The following LRRTM4 variants were observed in gnomAD, a reference collection of about 807,000 sequenced individuals.
The protein encoded by LRRTM4 is leucine-rich repeat transmembrane neuronal protein 4.
LRRTM4 carries 25 observed loss-of-function variants against 47.6 expected under a neutral mutation model. That is an observed-to-expected ratio of 0.53 (90% confidence interval 0.38 to 0.73). LRRTM4 has a LOEUF of 0.73. Ranked by LOEUF, LRRTM4 falls within the 30% of genes least tolerant of loss-of-function variation. LRRTM4 has a pLI of 0.00. For synonymous variants in LRRTM4, 311 were observed against 269.5 expected (o/e 1.15, Z -1.51); for missense variants, 638 against 713.4 (o/e 0.89, Z 1.20).
intron 3 of LRRTM4, among the ~76,000 whole-genome samples, chr2:76,791,614 C>G (rs1674977641): frequency 7.9e-5 from 12 of 152,118 alleles, no homozygotes; most frequent in Admixed American, 7.9e-4. Flanking sequence ...ACAGTAAATG[C>G]TTCAGAATTA....
chr2:77,420,523 T>C (rs1269815040), intron 3 of LRRTM4, among the ~76,000 whole-genome samples: 1 of 151,898 alleles, frequency 6.6e-6, no homozygotes, highest in Non-Finnish European at 1.5e-5. Flanking sequence ...TATTAAAATT[T>C]GCAGCACTGG....
chr2:76,787,183 G>C (rs73940056), intron 3 of LRRTM4, among the ~76,000 whole-genome samples: 155 of 152,200 alleles, frequency 1.0e-3, no homozygotes, highest in African/African-American at 3.6e-3. Context: ...ATGGAAAAAA[G>C]AGAAAGGATG....
At chr2:76,941,138 AAT>A (rs1675128544) in intron 3 of LRRTM4, among the ~76,000 whole-genome samples, 1 of 152,182 alleles carries the variant, frequency 6.6e-6, no homozygotes, top group African/African-American at 2.4e-5. Flanking sequence ...ATATATGTAA[AAT>A]ATTATTTCAG....
intron 3 of LRRTM4, among the ~76,000 whole-genome samples, chr2:76,956,850 T>G (rs765498120): frequency 6.6e-6 from 1 of 151,384 alleles, no homozygotes; most frequent in Non-Finnish European, 1.5e-5. Context: ...AAGAAATGGA[T>G]AAATTTCTAG....
intron 3 of LRRTM4, among the ~76,000 whole-genome samples, chr2:77,091,068 G>A (rs186416897): frequency 0.11 from 16,571 of 149,028 alleles, 594 homozygotes; most frequent in Non-Finnish European, 0.15. Flanking sequence ...TCTGGTGCCA[G>A]CTGAGACAAT....
At chr2:76,898,902 G>A (rs1433782695) in intron 3 of LRRTM4, among the ~76,000 whole-genome samples, 2 of 151,458 alleles carry the variant, frequency 1.3e-5, no homozygotes, top group African/African-American at 2.4e-5. Flanking sequence ...GTTAATTTCT[G>A]CTTTTTCATT....
intron 3 of LRRTM4, among the ~76,000 whole-genome samples, chr2:77,244,636 G>GTT (rs1675379337): frequency 6.6e-6 from 1 of 151,924 alleles, no homozygotes; most frequent in South Asian, 2.1e-4. Context: ...CCCCATGAGT[G>GTT]TAGGCTAGAC....
At chr2:76,937,175 TATA>T (rs1364435887) in intron 3 of LRRTM4, among the ~76,000 whole-genome samples, 2 of 151,942 alleles carry the variant, frequency 1.3e-5, no homozygotes, top group Non-Finnish European at 2.9e-5. Context: ...TTACACAGCA[TATA>T]ATGAGAATGG....
chr2:77,426,769 T>C (rs1212548079), intron 3 of LRRTM4, among the ~76,000 whole-genome samples: 3 of 151,970 alleles, frequency 2.0e-5, no homozygotes, highest in African/African-American at 4.8e-5. Context: ...TCCATGTGTA[T>C]GTGAGTACAT....
intron 3 of LRRTM4, among the ~76,000 whole-genome samples, chr2:77,241,414 T>C (rs6705164): frequency 0.56 from 85,690 of 151,760 alleles, 24,528 homozygotes; most frequent in African/African-American, 0.6. Flanking sequence ...ACATTTAGTT[T>C]AAAATGAGTC....
intron 3 of LRRTM4, among the ~76,000 whole-genome samples, chr2:77,227,124 G>A (rs1244607547): frequency 6.6e-6 from 1 of 151,944 alleles, no homozygotes; most frequent in Non-Finnish European, 1.5e-5. Flanking sequence ...CATGACTATG[G>A]AGCAATATCT....
At chr2:77,022,873 G>A (rs1207154777) in intron 3 of LRRTM4, among the ~76,000 whole-genome samples, 3 of 152,134 alleles carry the variant, frequency 2.0e-5, no homozygotes, top group African/African-American at 7.2e-5. Flanking sequence ...CTACGATTCT[G>A]GGGTCTGGAG....
intron 3 of LRRTM4, among the ~76,000 whole-genome samples, chr2:77,018,147 A>G (rs1678136671): frequency 6.6e-6 from 1 of 151,344 alleles, no homozygotes; most frequent in African/African-American, 2.4e-5. Flanking sequence ...TCAATTTCAA[A>G]TATTTAATTT....
At chr2:77,008,618 T>A (rs1013148046) in intron 3 of LRRTM4, among the ~76,000 whole-genome samples, 7 of 152,114 alleles carry the variant, frequency 4.6e-5, no homozygotes, top group African/African-American at 1.4e-4. Flanking sequence ...TTGAATAACA[T>A]CTGGATACCA....
intron 3 of LRRTM4, among the ~76,000 whole-genome samples, chr2:76,971,332 C>T (rs77363693): frequency 6.6e-6 from 1 of 152,020 alleles, no homozygotes; most frequent in East Asian, 1.9e-4. Flanking sequence ...CCAGGCAATT[C>T]TGATGTACAC....
intron 3 of LRRTM4, among the ~76,000 whole-genome samples, chr2:76,955,117 G>A (rs1235087349): frequency 6.6e-6 from 1 of 151,750 alleles, no homozygotes; most frequent in Non-Finnish European, 1.5e-5. Flanking sequence ...ACACAAGACA[G>A]CAACATGAAA....
intron 3 of LRRTM4, among the ~76,000 whole-genome samples, chr2:77,480,835 GAGA>G (rs1380663169): frequency 0.049 from 2,455 of 50,524 alleles, 37 homozygotes; most frequent in Admixed American, 0.17. Context: ...GAGAGAGAGA[GAGA>G]GAGAGAGAGA....
At chr2:76,970,525 T>C (rs780426730) in intron 3 of LRRTM4, among the ~76,000 whole-genome samples, 1 of 152,044 alleles carries the variant, frequency 6.6e-6, no homozygotes, top group Non-Finnish European at 1.5e-5. Context: ...GCAACACTTG[T>C]GGCATATCAT....
intron 3 of LRRTM4, among the ~76,000 whole-genome samples, chr2:77,044,174 C>T (rs1030821256): frequency 6.6e-6 from 1 of 151,746 alleles, no homozygotes; most frequent in African/African-American, 2.4e-5. Flanking sequence ...GCACCCAATG[C>T]AGCAATACAT....
Sources: allele counts gnomAD v4.1 joint callset (sites outside exome capture counted in the v4.1 genomes callset), GRCh38; gene constraint gnomAD v4.1.1; transcripts MANE v1.5; gene names NCBI Gene and HGNC (gene_info 2026-07-23, HGNC 2026-07-21).